The following VWC2 variants were observed in gnomAD, a reference collection of about 807,000 sequenced individuals.
VWC2 encodes the protein brorin.
A neutral mutation model predicts 29.8 loss-of-function variants in VWC2; 14 were observed. The ratio of observed to expected loss-of-function variants is 0.47; its 90% CI spans 0.31 to 0.74. The LOEUF (loss-of-function observed/expected upper bound fraction) is 0.74. VWC2 is among the 30% of genes least tolerant of loss of function. The pLI, the probability that VWC2 is intolerant of heterozygous loss-of-function variation, is 0.05. For synonymous variants in VWC2, 213 were observed against 199.0 expected (o/e 1.07, Z -0.59); for missense variants, 457 against 459.8 (o/e 0.99, Z 0.05).
chr7:49,860,764 A>G (rs958908486), intron 3 of VWC2, among the ~76,000 whole-genome samples: 1 of 152,238 alleles, frequency 6.6e-6, no homozygotes, highest in Non-Finnish European at 1.5e-5. Flanking sequence ...AAATGAGATC[A>G]TAAGGGTGAG....
At chr7:49,794,182 T>A (rs554098382) in intron 2 of VWC2, among the ~76,000 whole-genome samples, 1 of 152,352 alleles carries the variant, frequency 6.6e-6, no homozygotes, top group African/African-American at 2.4e-5. Context: ...CCCATTTGCA[T>A]GCTAGCAAAT....
At chr7:49,802,891 A>C in intron 3 of VWC2, 51 bp downstream of exon 3, 1 of 1,612,532 alleles carries the variant, frequency 6.2e-7, no homozygotes, top group Non-Finnish European at 8.5e-7. Context: ...CCTGATGCAC[A>C]ACCCATGTGC....
intron 3 of VWC2, among the ~76,000 whole-genome samples, chr7:49,872,972 A>T (rs184911301): frequency 1.6e-4 from 24 of 151,290 alleles, no homozygotes; most frequent in African/African-American, 5.8e-4. Flanking sequence ...ATCCAAATAA[A>T]TAATTCTCTA....
chr7:49,861,115 G>C (rs920961457), intron 3 of VWC2, among the ~76,000 whole-genome samples: 1 of 152,092 alleles, frequency 6.6e-6, no homozygotes, highest in African/African-American at 2.4e-5. Flanking sequence ...AATGGACAAG[G>C]GTTTCAATTT....
At chr7:49,803,219 A>G (rs561857611) in intron 3 of VWC2, among the ~76,000 whole-genome samples, 1 of 152,322 alleles carries the variant, frequency 6.6e-6, no homozygotes, top group East Asian at 1.9e-4. Context: ...GAAACTTGGA[A>G]CATAATTGAA....
intron 3 of VWC2, among the ~76,000 whole-genome samples, chr7:49,839,744 G>A (rs1186906803): frequency 6.6e-6 from 1 of 152,214 alleles, no homozygotes; most frequent in Non-Finnish European, 1.5e-5. Flanking sequence ...AGAGAGGAAA[G>A]AGCTGCGTGC....
In VWC2 at chr7:49,804,161, TG is replaced by T. The variant is rs1209899619; in HGVS notation, c.826+1322del. Among the ~76,000 whole-genome samples, 177 of 151,022 alleles carry T rather than the reference TG, an allele frequency of 1.2e-3. 1 individual carries two copies. The highest frequency in any genetic ancestry group is 4.1e-3 in the African/African-American group (169 of 41,040). ...CGAGGGGGACTTTGAGCATGGAGTG[TG>T]TTTTTTTTTTAAAAAAAAAAATGAT... On this transcript the variant is annotated intron_variant, in intron 3 of 3. Coordinates refer to ENST00000340652, the MANE Select transcript of VWC2 (RefSeq NM_198570.5).
At chr7:49,821,202 G>T (rs1789254864) in intron 3 of VWC2, among the ~76,000 whole-genome samples, 1 of 152,232 alleles carries the variant, frequency 6.6e-6, no homozygotes, top group Non-Finnish European at 1.5e-5. Flanking sequence ...CAAGGATATT[G>T]ATGAGTGTTT....
chr7:49,790,471 C>CT (rs2082454560), intron 2 of VWC2, among the ~76,000 whole-genome samples: 1 of 152,166 alleles, frequency 6.6e-6, no homozygotes, highest in African/African-American at 2.4e-5. Context: ...AAAAAAAATT[C>CT]TTTTCTGAAT....
intron 2 of VWC2, among the ~76,000 whole-genome samples, chr7:49,787,849 C>T (rs1335809374): frequency 6.6e-6 from 1 of 152,124 alleles, no homozygotes; most frequent in Non-Finnish European, 1.5e-5. Context: ...GGCTCCCAGT[C>T]CTCTCCAGGA....
chr7:49,921,447 A>T lies in VWC2; in HGVS notation c.*9262A>T, dbSNP rs568023337. The T allele has an allele frequency of 1.7e-4, 26 of 152,206 alleles. No homozygotes were observed. Among genetic ancestry groups the T allele is most frequent in the Admixed American group, 2.6e-4 (4 of 15,274 alleles). 9.4% of individuals were successfully genotyped at this position (152,206 alleles called of 1,614,324 possible). On this transcript the variant is annotated 3_prime_UTR_variant, in exon 4 of 4. Coordinates refer to ENST00000340652, the MANE Select transcript of VWC2 (RefSeq NM_198570.5). ...GCTTTAATGTAACTTGGCAGTAAAG[A>T]CTTTGGCCTTTGGAGGTCTGATTCT...
intron 3 of VWC2, among the ~76,000 whole-genome samples, chr7:49,824,538 A>G (rs545395): frequency 0.9 from 136,890 of 152,136 alleles, 61,778 homozygotes; most frequent in East Asian, 0.94. Context: ...AATTCCCTTA[A>G]CCTTTGCATT....
chr7:49,864,622 T>C (rs1273151401), intron 3 of VWC2, among the ~76,000 whole-genome samples: 1 of 152,220 alleles, frequency 6.6e-6, no homozygotes, highest in Non-Finnish European at 1.5e-5. Context: ...GAGCATCATC[T>C]ACTGCTCTTC....
At chr7:49,872,915 C>CAA (rs61473396) in intron 3 of VWC2, among the ~76,000 whole-genome samples, 677 of 33,868 alleles carry the variant, frequency 0.02, 76 homozygotes, top group African/African-American at 0.061. Context: ...GACTTTGTCT[C>CAA]AAAAAAAAAA....
intron 3 of VWC2, among the ~76,000 whole-genome samples, chr7:49,909,321 T>C (rs188509088): frequency 1.1e-4 from 16 of 151,064 alleles, no homozygotes; most frequent in Admixed American, 9.9e-4. Flanking sequence ...CAAAAAAAGA[T>C]GATACAGAAA....
intron 3 of VWC2, among the ~76,000 whole-genome samples, chr7:49,871,946 CA>C (rs1791172442): frequency 2.5e-5 from 3 of 117,906 alleles, no homozygotes; most frequent in South Asian, 3.3e-4. Flanking sequence ...CACACACACA[CA>C]CACACACACA....
At chr7:49,854,134 T>C (rs1306379458) in intron 3 of VWC2, among the ~76,000 whole-genome samples, 1 of 152,196 alleles carries the variant, frequency 6.6e-6, no homozygotes, top group Non-Finnish European at 1.5e-5. Context: ...TTTGGGTTGG[T>C]TCCAAGTCTT....
chr7:49,883,693 C>T (rs1289928266), intron 3 of VWC2, among the ~76,000 whole-genome samples: 1 of 152,172 alleles, frequency 6.6e-6, no homozygotes, highest in Non-Finnish European at 1.5e-5. Flanking sequence ...CCGATAGCTG[C>T]ACTTCCTCAA....
intron 3 of VWC2, among the ~76,000 whole-genome samples, chr7:49,873,472 G>A (rs1791261303): frequency 6.6e-6 from 1 of 152,104 alleles, no homozygotes; most frequent in African/African-American, 2.4e-5. Context: ...CATCACCTAG[G>A]GGGTTAACAT....
Sources: allele counts gnomAD v4.1 joint callset (sites outside exome capture counted in the v4.1 genomes callset), GRCh38; gene constraint gnomAD v4.1.1; transcripts MANE v1.5; gene names NCBI Gene and HGNC (gene_info 2026-07-23, HGNC 2026-07-21).